PLCB1: variants seen among roughly 807,000 people sequenced by gnomAD.
The protein encoded by PLCB1 is 1-phosphatidylinositol 4,5-bisphosphate phosphodiesterase beta-1.
A neutral mutation model predicts 161.8 loss-of-function variants in PLCB1; 46 were observed. The ratio of observed to expected loss-of-function variants is 0.28; its 90% confidence interval spans 0.22 to 0.36. The LOEUF (loss-of-function observed/expected upper bound fraction) is 0.36. PLCB1 is among the 10% of genes least tolerant of loss of function. The probability of loss-of-function intolerance (pLI) is 1.00; values close to 1 mark genes in which losing one functional copy is unlikely to be tolerated. For synonymous variants in PLCB1, 517 were observed against 503.7 expected, an observed-to-expected ratio of 1.03 and a Z score of -0.35; for missense variants, 1,016 against 1,472.5, an observed-to-expected ratio of 0.69 and a Z score of 5.07.
At chr20:8,567,316 C>A (rs1986367639) in intron 3 of PLCB1, among the ~76,000 whole-genome samples, 1 of 152,102 alleles carries the variant, frequency 6.6e-6, no homozygotes, top group Admixed American at 6.6e-5. Context: ...TGATACAGGT[C>A]TGTGGCAATT....
intron 10 of PLCB1, among the ~76,000 whole-genome samples, chr20:8,693,761 T>G (rs1242184581): frequency 1.3e-5 from 2 of 152,172 alleles, no homozygotes; most frequent in African/African-American, 4.8e-5. Context: ...ATCTTCTGGT[T>G]TTTTCTATCC....
At chr20:8,605,339 T>C (rs1216399969) in intron 3 of PLCB1, among the ~76,000 whole-genome samples, 2 of 152,128 alleles carry the variant, frequency 1.3e-5, no homozygotes, top group Non-Finnish European at 2.9e-5. Context: ...CAATATCATT[T>C]GAAGGCCATA....
intron 11 of PLCB1, among the ~76,000 whole-genome samples, chr20:8,704,984 C>CTTTTTTTTT (rs368791318): frequency 0.11 from 12,658 of 118,676 alleles, 1,201 homozygotes; most frequent in East Asian, 0.32. Flanking sequence ...CTCCTTTACT[C>CTTTTTTTTT]TTTTTTTTTT....
intron 2 of PLCB1, among the ~76,000 whole-genome samples, chr20:8,366,275 T>G (rs1013964199): frequency 6.6e-6 from 1 of 152,138 alleles, no homozygotes; most frequent in Non-Finnish European, 1.5e-5. Flanking sequence ...AGGGTATATA[T>G]GTGGAAAACT....
intron 3 of PLCB1, among the ~76,000 whole-genome samples, chr20:8,549,880 T>G (rs1368150111): frequency 6.6e-6 from 1 of 152,138 alleles, no homozygotes; most frequent in Non-Finnish European, 1.5e-5. Context: ...GGAGATCTGA[T>G]GGTTTTATAA....
At chr20:8,152,734 C>T (rs564429493) in intron 2 of PLCB1, among the ~76,000 whole-genome samples, 2 of 152,084 alleles carry the variant, frequency 1.3e-5, no homozygotes, top group East Asian at 3.9e-4. Flanking sequence ...TTGTAATATG[C>T]CTCTCTTCTT....
chr20:8,269,232 C>A (rs1409969052), intron 2 of PLCB1, among the ~76,000 whole-genome samples: 2 of 152,216 alleles, frequency 1.3e-5, no homozygotes, highest in African/African-American at 4.8e-5. Context: ...TATCCCTACC[C>A]CATCCCCCCA....
intron 2 of PLCB1, among the ~76,000 whole-genome samples, chr20:8,330,157 TA>T (rs1296445291): frequency 3.3e-5 from 5 of 152,306 alleles, no homozygotes; most frequent in East Asian, 3.9e-4. Flanking sequence ...ATCGAATCAA[TA>T]ATAATAGCTA....
chr20:8,401,003 A>T (rs1162146819), intron 3 of PLCB1, among the ~76,000 whole-genome samples: 1 of 152,234 alleles, frequency 6.6e-6, no homozygotes, highest in East Asian at 1.9e-4. Context: ...TTACACTTCC[A>T]CCAACAACAA....
chr20:8,173,609 A>G (rs1158274767), intron 2 of PLCB1, among the ~76,000 whole-genome samples: 1 of 152,236 alleles, frequency 6.6e-6, no homozygotes, highest in East Asian at 1.9e-4. Context: ...AAAGTTGCTC[A>G]TCATACTAAG....
At chr20:8,683,594 T>C (rs1990274661) in intron 9 of PLCB1, among the ~76,000 whole-genome samples, 1 of 152,176 alleles carries the variant, frequency 6.6e-6, no homozygotes, top group Non-Finnish European at 1.5e-5. Flanking sequence ...CATCCAGTTG[T>C]ACACCTTAAA....
At chr20:8,496,760 A>C (rs1983193557) in intron 3 of PLCB1, among the ~76,000 whole-genome samples, 1 of 152,202 alleles carries the variant, frequency 6.6e-6, no homozygotes, top group African/African-American at 2.4e-5. Context: ...AAGTCAATAC[A>C]TGAATCAAGT....
intron 2 of PLCB1, among the ~76,000 whole-genome samples, chr20:8,230,135 T>C (rs6055676): frequency 0.33 from 48,270 of 144,900 alleles, 11,329 homozygotes; most frequent in African/African-American, 0.68. Flanking sequence ...TGAAACAGAA[T>C]GTGCAATTCA....
intron 2 of PLCB1, among the ~76,000 whole-genome samples, chr20:8,239,796 A>C (rs942432978): frequency 2.0e-5 from 3 of 152,024 alleles, no homozygotes; most frequent in Non-Finnish European, 4.4e-5. Context: ...AATTCAGTTC[A>C]CAAAGAGCCT....
chr20:8,546,281 C>G (rs1985541680), intron 3 of PLCB1, among the ~76,000 whole-genome samples: 1 of 143,286 alleles, frequency 7.0e-6, no homozygotes, highest in Non-Finnish European at 1.5e-5. Flanking sequence ...GCCACTGACT[C>G]CAGCCTGGAT....
intron 2 of PLCB1, among the ~76,000 whole-genome samples, chr20:8,335,605 T>C (rs1236645684): frequency 6.6e-6 from 1 of 152,132 alleles, no homozygotes; most frequent in Non-Finnish European, 1.5e-5. Flanking sequence ...CCGTAGTTGC[T>C]CTCCTCCTGC....
intron 3 of PLCB1, among the ~76,000 whole-genome samples, chr20:8,424,498 G>T (rs1443981433): frequency 6.6e-6 from 1 of 152,050 alleles, no homozygotes; most frequent in East Asian, 1.9e-4. Context: ...AATGAATTTT[G>T]ATACAAGACC....
chr20:8,719,882 G>T (rs1979532901), intron 14 of PLCB1, among the ~76,000 whole-genome samples: 1 of 152,008 alleles, frequency 6.6e-6, no homozygotes, highest in Non-Finnish European at 1.5e-5. Context: ...CTGAGACTCT[G>T]ATTTATCTTT....
At chr20:8,310,878 G>A (rs982981798) in intron 2 of PLCB1, among the ~76,000 whole-genome samples, 3 of 152,166 alleles carry the variant, frequency 2.0e-5, no homozygotes, top group East Asian at 1.9e-4. Flanking sequence ...CTGCATCCAC[G>A]TTGCTGTAGA....
Sources: gnomAD v4.1 joint callset for allele counts (sites outside exome capture counted in the v4.1 genomes callset) on GRCh38, gnomAD v4.1.1 for gene constraint, MANE v1.5 for transcripts, NCBI Gene and HGNC (gene_info 2026-07-23, HGNC 2026-07-21) for gene names.